The following KIAA0753 variants were observed in gnomAD, a reference collection of about 807,000 sequenced individuals.
KIAA0753 encodes KIAA0753.
Under a neutral mutation model 116.9 loss-of-function variants are expected in KIAA0753, and 114 were observed. The ratio of observed to expected loss-of-function variants is 0.98; its 90% confidence interval spans 0.84 to 1.14. The LOEUF (loss-of-function observed/expected upper bound fraction) is 1.14, where lower values mean the gene tolerates loss of function less well. KIAA0753 is among the 50% of genes most tolerant of loss of function. The pLI, the probability that KIAA0753 is intolerant of heterozygous loss-of-function variation, is 0.00. For synonymous variants in KIAA0753, 405 were observed against 413.1 expected (o/e 0.98, Z 0.24); for missense variants, 1,156 against 1,172.4 (o/e 0.99, Z 0.20).
intron 1 of KIAA0753, chr17:6,636,294 C>T (rs937679677): frequency 6.6e-6 from 1 of 152,174 alleles, no homozygotes; most frequent in African/African-American, 2.4e-5. Flanking sequence ...ATGAGCAAGG[C>T]AATCCCAACT....
At position 6,607,250 on chromosome 17, in the gene KIAA0753, T is replaced by G. The variant is rs1970254512; in HGVS notation, c.1850A>C (p.Glu617Ala). The change falls in exon 11 of 19, where the codon GAA becomes GCA. Residue 617 changes from glutamate (E) to alanine (A), a missense_variant. Coordinates refer to ENST00000361413, the MANE Select transcript of KIAA0753 (RefSeq NM_014804.3). ...TAGTTCCTTCAATCTTTTGGAAGTT[T>G]CAGCATCAAGCCAAGCGAGCCTAGC... ...EAARLAWLDA[E>A]TSKRLKELEE... 6.2e-7 allele frequency: 1 copy of G among 1,614,184 alleles called. No homozygotes were observed. Among genetic ancestry groups the G allele is most frequent in the Non-Finnish European group, 8.5e-7 (1 of 1,180,028 alleles).
Position 6,589,924 on chromosome 17 carries a change from G to C in KIAA0753, c.2641C>G (p.Gln881Glu). The change falls in exon 18 of 19, where the codon CAA becomes GAA. Residue 881 changes from glutamine to glutamate, a missense_variant. By Grantham distance (29) the Gln-to-Glu change is conservative. Transcript: ENST00000361413. ...APLLSLAEDS[Q>E]QKEGRAPLFV... ...AGGGGAGCTCGGCCTTCTTTCTGTT[G>C]AGAATCTTCGGCTAGGGAGAGAAGA... 8 of 1,612,754 alleles carry C rather than the reference G, an allele frequency of 5.0e-6. No individual in the cohort carries two copies. Among genetic ancestry groups the C allele is most frequent in the Non-Finnish European group, 6.8e-6 (8 of 1,179,588 alleles).
intron 2 of KIAA0753, among the ~76,000 whole-genome samples, chr17:6,633,725 G>T (rs1425372618): frequency 6.6e-6 from 1 of 152,130 alleles, no homozygotes; most frequent in African/African-American, 2.4e-5. Context: ...ATAAACTACT[G>T]ATACATGCAA....
chr17:6,600,538 G>T, intron 12 of KIAA0753, 80 bp from the exon 13 acceptor site: 1 of 1,085,358 alleles, frequency 9.2e-7, no homozygotes, highest in Non-Finnish European at 1.4e-6. Flanking sequence ...CACTCCAGGA[G>T]AAGGGAAATA....
chr17:6,594,993 A>C lies in KIAA0753; in HGVS notation c.2419T>G (p.Trp807Gly). The stretch of plus-strand genomic sequence containing the variant: ...TCACCATTGTTTTCTTCCTGCATCC[A>C]AAGTCGAGGATCAGCATATGCGATT... ...NKIAYADPRL[W>G]MQEENNDQKI... The change falls in exon 16 of 19, where the codon TGG (tryptophan) becomes GGG (glycine). Residue 807 changes from tryptophan (W) to glycine (G), a missense_variant. Physicochemically the swap from Trp to Gly is radical, Grantham distance 184. Coordinates refer to ENST00000361413, the MANE Select transcript of KIAA0753 (RefSeq NM_014804.3). 1.9e-6 allele frequency: 3 copies of C among 1,612,038 alleles called. No homozygotes were observed. Among genetic ancestry groups the C allele is most frequent in the Non-Finnish European group, 2.5e-6 (3 of 1,178,446 alleles).
chr17:6,624,508 G>A (rs1971527606), intron 4 of KIAA0753, among the ~76,000 whole-genome samples: 1 of 148,148 alleles, frequency 6.8e-6, no homozygotes, highest in Admixed American at 6.8e-5. Context: ...ACCTCATAAA[G>A]TCAAGAACCA....
intron 11 of KIAA0753, 84 bp downstream of exon 11, chr17:6,607,097 C>T: frequency 7.1e-7 from 1 of 1,400,948 alleles, no homozygotes; most frequent in Non-Finnish European, 1.0e-6. Flanking sequence ...GTAGCTAGAC[C>T]TAAATAATCT....
rs576115581 is a variant in KIAA0753 at position 6,623,076 on chromosome 17, C to T, written c.910G>A (p.Ala304Thr). The T allele has an allele frequency of 9.9e-6, 16 of 1,613,382 alleles. No homozygotes were observed. The highest frequency in any genetic ancestry group is 1.4e-5 in the Non-Finnish European group (16 of 1,179,948). ...TKKSWAMSKL[A>T]AAHRGAIRAL... ...CGAATGGCTCCTCGATGGGCAGCCG[C>T]CAGCTTAGACATTGCCCATGACTGG... Residue 304 changes from alanine (A) to threonine (T), a missense_variant, in exon 6 of 19, where the codon GCG (alanine) becomes ACG (threonine). Coordinates refer to ENST00000361413, the MANE Select transcript of KIAA0753 (RefSeq NM_014804.3).
In KIAA0753 at chr17:6,628,519, T is replaced by G. The variant is rs747498852; in HGVS notation, c.316A>C (p.Arg106=). 1 of 1,614,218 alleles carries G rather than the reference T, an allele frequency of 6.2e-7. No individual in the cohort carries two copies. Among genetic ancestry groups the G allele is most frequent in the East Asian group, 2.2e-5 (1 of 44,894 alleles). Reference sequence around the variant, plus strand: ...TCAAATTGTCTTCGTTTCACATCTCTTCTGGCTAGGTGGACAGCATAGCTA... The same window carrying G: ...TCAAATTGTCTTCGTTTCACATCTCGTCTGGCTAGGTGGACAGCATAGCTA... ...RLSYAVHLAR[R]DVKRRQFEKH... The change falls in exon 3 of 19, where the codon AGA becomes CGA. Residue 106 remains arginine (R), a synonymous_variant. Coordinates refer to ENST00000361413, the MANE Select transcript of KIAA0753 (RefSeq NM_014804.3).
At chr17:6,610,623 C>T (rs1206987640) in intron 8 of KIAA0753, among the ~76,000 whole-genome samples, 3 of 146,094 alleles carry the variant, frequency 2.1e-5, no homozygotes, top group Non-Finnish European at 4.5e-5. Context: ...TGGGCTCAAG[C>T]GATTCTCCTG....
intron 12 of KIAA0753, among the ~76,000 whole-genome samples, chr17:6,604,698 G>A (rs927219183): frequency 6.6e-6 from 1 of 151,870 alleles, no homozygotes; most frequent in Admixed American, 6.6e-5. Flanking sequence ...CTTGGGGGTG[G>A]GAAGGTTCTG....
Position 6,622,906 on chromosome 17 carries a change from A to T in KIAA0753, c.1080T>A (p.Val360=). ...LDADPSVPDV[V]IDILQQIEAL... is the part of the protein sequence containing the mutation. ...CCTCAATTTGTTGCAGAATATCTATAACCACATCAGGAACAGAAGGGTCTG... is the reference window on the plus strand; with the variant it reads ...CCTCAATTTGTTGCAGAATATCTATTACCACATCAGGAACAGAAGGGTCTG... Residue 360 remains valine, a synonymous_variant, in exon 6 of 19, where the codon GTT becomes GTA. Transcript: ENST00000361413. 6.2e-7 allele frequency: 1 copy of T among 1,614,056 alleles called. No homozygotes were observed. Among genetic ancestry groups the T allele is most frequent in the Non-Finnish European group, 8.5e-7 (1 of 1,179,880 alleles).
rs1180448040 is a variant in KIAA0753, at chr17:6,596,362, T to C, written c.2173-19A>G. The C allele has an allele frequency of 6.3e-6, 7 of 1,103,320 alleles. No individual in the cohort carries two copies. Among genetic ancestry groups the C allele is most frequent in the Middle Eastern group, 4.5e-4 (2 of 4,448 alleles). 68.3% of individuals were successfully genotyped at this position (1,103,320 alleles called of 1,614,324 possible). A position where few individuals can be genotyped will look rare whatever the true frequency, so the allele number is the denominator to read the frequency against. ...CTGCAACCTACAAGATGGGGTGGGG[T>C]GGGGAGGAGAGGCATGGGGTGGATT... is the stretch of plus-strand genomic sequence containing the variant. On this transcript the variant is annotated intron_variant, in intron 14 of 18. Coordinates refer to ENST00000361413, the MANE Select transcript of KIAA0753 (RefSeq NM_014804.3).
chr17:6,622,325 G>A (rs1344103190), intron 6 of KIAA0753, among the ~76,000 whole-genome samples: 1 of 152,182 alleles, frequency 6.6e-6, no homozygotes, highest in Non-Finnish European at 1.5e-5. Context: ...TAATTACATG[G>A]AAACACCATG....
chr17:6,624,196 T>C (rs926993753), intron 4 of KIAA0753, among the ~76,000 whole-genome samples: 8 of 152,184 alleles, frequency 5.3e-5, no homozygotes, highest in African/African-American at 1.7e-4. Context: ...TCCATCACAA[T>C]GTAAAGAACG....
chr17:6,588,387 G>T (rs1016844772), intron 18 of KIAA0753, among the ~76,000 whole-genome samples: 2 of 152,112 alleles, frequency 1.3e-5, no homozygotes. Flanking sequence ...ACAGGGAGAC[G>T]TAAGCTAACA....
chr17:6,607,266 C>T lies in KIAA0753; in HGVS notation c.1834G>A (p.Ala612Thr), dbSNP rs770565924. The part of the protein sequence containing the change: ...GAVEHEAARL[A>T]WLDAETSKRL... ...TTGGAAGTTTCAGCATCAAGCCAAG[C>T]GAGCCTAGCAGACAGTCAAAAGAGT... Residue 612 changes from alanine (A) to threonine (T), a missense_variant, in exon 11 of 19, where the codon GCT becomes ACT. By Grantham distance (58) the Ala-to-Thr change is moderately conservative. Coordinates refer to ENST00000361413, the MANE Select transcript of KIAA0753 (RefSeq NM_014804.3). The T allele has an allele frequency of 1.1e-5, 17 of 1,613,846 alleles. No homozygotes were observed. Among genetic ancestry groups the T allele is most frequent in the Admixed American group, 8.3e-5 (5 of 59,994 alleles).
chr17:6,621,589 C>T (rs1359735073), intron 6 of KIAA0753, among the ~76,000 whole-genome samples: 2 of 152,088 alleles, frequency 1.3e-5, no homozygotes, highest in African/African-American at 4.8e-5. Flanking sequence ...GTTCAGAGAA[C>T]AGTAATATAG....
intron 12 of KIAA0753, among the ~76,000 whole-genome samples, chr17:6,605,332 C>T (rs1254693833): frequency 2.0e-5 from 3 of 152,188 alleles, no homozygotes; most frequent in African/African-American, 7.2e-5. Context: ...TGCATTACAG[C>T]GCAGCCCCTC....
Sources: gnomAD v4.1 joint callset for allele counts (sites outside exome capture counted in the v4.1 genomes callset) on GRCh38, gnomAD v4.1.1 for gene constraint, MANE v1.5 for transcripts, NCBI Gene and HGNC (gene_info 2026-07-23, HGNC 2026-07-21) for gene names.